TANK: variants seen among roughly 807,000 people sequenced by gnomAD.
The protein encoded by TANK is TRAF family member-associated NF-kappa-B activator.
Under a neutral mutation model 43.6 loss-of-function variants are expected in TANK, and 15 were observed. That is an observed-to-expected ratio of 0.34 (90% CI 0.23 to 0.53). The LOEUF is 0.53. TANK is among the 20% of genes least tolerant of loss of function. The pLI is 0.94. For missense variants in TANK, 417 were observed against 498.6 expected, an observed-to-expected ratio of 0.84 and a Z score of 1.56; for synonymous variants, 162 against 178.2, an observed-to-expected ratio of 0.91 and a Z score of 0.73.
chr2:161,142,281 T>C (rs1683771600), intron 1 of TANK, among the ~76,000 whole-genome samples: 2 of 152,206 alleles, frequency 1.3e-5, no homozygotes, highest in South Asian at 4.1e-4. Context: ...AGGCTGATGC[T>C]CACTCTAATG....
intron 1 of TANK, among the ~76,000 whole-genome samples, chr2:161,138,712 TACTTCTTTTAAAC>T (rs1242259841): frequency 6.6e-6 from 1 of 152,232 alleles, no homozygotes; most frequent in Non-Finnish European, 1.5e-5. Flanking sequence ...AATGTCTAGT[TACTTCTTTTAAAC>T]ACTTATGACA....
chr2:161,184,102 A>G (rs748924859), intron 2 of TANK, among the ~76,000 whole-genome samples: 2 of 152,136 alleles, frequency 1.3e-5, no homozygotes, highest in Non-Finnish European at 2.9e-5. Context: ...GAGAGAGTAT[A>G]TGATACATTT....
At position 161,231,975 on chromosome 2, in the gene TANK, T is replaced by TA. The variant is rs1188742143; in HGVS notation, c.1101+425dup. ...CTTTCATAAGTAAATAATTGCATCT[T>TA]ACATTTCTATTTATCAAAATAAGTG... On this transcript the variant is annotated intron_variant, in intron 7 of 7. Transcript: ENST00000392749. Among the ~76,000 whole-genome samples, 5 of 152,354 alleles carry TA rather than the reference T, an allele frequency of 3.3e-5. No homozygotes were observed. The Middle Eastern group carries it at 0.01, about 311-fold the overall frequency.
At chr2:161,212,015 T>G in intron 4 of TANK, 2 of 916,686 alleles carry the variant, frequency 2.2e-6, no homozygotes, top group Non-Finnish European at 2.6e-6. Context: ...CTTCAACCAA[T>G]TTATTCATTA....
At chr2:161,157,996 A>T (rs1238795079), upstream of TANK, among the ~76,000 whole-genome samples, 1 of 152,018 alleles carries the variant, frequency 6.6e-6, no homozygotes, top group Non-Finnish European at 1.5e-5. Context: ...GTTCCAAAAT[A>T]TCTTTTAAAG....
chr2:161,225,204 C>T (rs1245335387), intron 6 of TANK, among the ~76,000 whole-genome samples: 1 of 151,932 alleles, frequency 6.6e-6, no homozygotes, highest in Non-Finnish European at 1.5e-5. Context: ...ATTACATACA[C>T]TATGGATAGA....
chr2:161,232,436 C>T (rs975451648), intron 7 of TANK, among the ~76,000 whole-genome samples: 5 of 152,090 alleles, frequency 3.3e-5, no homozygotes, highest in Non-Finnish European at 7.4e-5. Context: ...TTTAAGTACA[C>T]ATATAGGTTA....
At chr2:161,161,209 G>T (rs1684417594) in intron 1 of TANK, 3 of 1,523,410 alleles carry the variant, frequency 2.0e-6, no homozygotes, top group Non-Finnish European at 2.6e-6. Context: ...GAAGAGCTGT[G>T]CCTTTATTGT....
chr2:161,194,873 A>G (rs1427944836), intron 2 of TANK, among the ~76,000 whole-genome samples: 1 of 152,010 alleles, frequency 6.6e-6, no homozygotes, highest in Admixed American at 6.6e-5. Flanking sequence ...CCAACAACAT[A>G]TATACTCTAT....
At chr2:161,176,259 A>G (rs1449280670) in intron 1 of TANK, among the ~76,000 whole-genome samples, 1 of 152,196 alleles carries the variant, frequency 6.6e-6, no homozygotes, top group Non-Finnish European at 1.5e-5. Context: ...CAGGGTGTTA[A>G]TATTTGAAAT....
chr2:161,166,311 C>T (rs1684677093), intron 1 of TANK, among the ~76,000 whole-genome samples: 1 of 152,142 alleles, frequency 6.6e-6, no homozygotes, highest in Admixed American at 6.5e-5. Context: ...TATTCATGAC[C>T]AAAGTTTACA....
At chr2:161,169,296 GTGA>G (rs1684837438) in intron 1 of TANK, among the ~76,000 whole-genome samples, 1 of 152,178 alleles carries the variant, frequency 6.6e-6, no homozygotes, top group Non-Finnish European at 1.5e-5. Flanking sequence ...AGTTGTATTA[GTGA>G]TAATAGGAAA....
chr2:161,178,252 ACAACT>A (rs1685255531), intron 1 of TANK, among the ~76,000 whole-genome samples: 1 of 152,160 alleles, frequency 6.6e-6, no homozygotes, highest in African/African-American at 2.4e-5. Context: ...AAAGGTGGAA[ACAACT>A]CAAATGTCCA....
intron 1 of TANK, among the ~76,000 whole-genome samples, chr2:161,165,595 G>A (rs1684641947): frequency 6.6e-6 from 1 of 152,140 alleles, no homozygotes; most frequent in Non-Finnish European, 1.5e-5. Flanking sequence ...CTAGAGGATT[G>A]TAATACATGT....
At position 161,231,281 on chromosome 2, in the gene TANK, A is replaced by C. The variant is rs1353585161; in HGVS notation, c.831A>C (p.Pro277=). Reference sequence around the variant, plus strand: ...TTAATATGGAGTTCAGAGACAACCCAGGGAACTTTGTTAAAACAGAAGAAA... The same window carrying C: ...TTAATATGGAGTTCAGAGACAACCCCGGGAACTTTGTTAAAACAGAAGAAA... ...EKFNMEFRDN[P]GNFVKTEETL... is the part of the protein sequence containing the mutation. The change falls in exon 7 of 8, where the codon CCA becomes CCC. Residue 277 remains proline (P), a synonymous_variant. Transcript: ENST00000392749. 1 of 1,614,040 alleles carries C rather than the reference A, an allele frequency of 6.2e-7. No individual in the cohort carries two copies. The highest frequency in any genetic ancestry group is 1.3e-5 in the African/African-American group (1 of 74,942).
At chr2:161,198,157 C>CAA in intron 2 of TANK, among the ~76,000 whole-genome samples, 1 of 152,250 alleles carries the variant, frequency 6.6e-6, no homozygotes, top group East Asian at 1.9e-4. Flanking sequence ...AATAGTGGGA[C>CAA]AAACAGGATA....
chr2:161,229,279 A>C (rs995998140), intron 6 of TANK, among the ~76,000 whole-genome samples: 3 of 152,224 alleles, frequency 2.0e-5, no homozygotes, highest in Non-Finnish European at 4.4e-5. Context: ...AAAGATGAGC[A>C]TGGAGAGATG....
chr2:161,232,903 A>G lies in TANK; in HGVS notation c.1101+1352A>G, dbSNP rs188790755. The G allele has an allele frequency of 3.6e-4, 543 of 1,488,966 alleles. 2 individuals carry two copies. The Middle Eastern group carries it at 7.1e-3, about 19-fold the overall frequency. 92.2% of individuals were successfully genotyped at this position (1,488,966 alleles called of 1,614,324 possible). A position where few individuals can be genotyped will look rare whatever the true frequency, so the allele number is the denominator to read the frequency against. ...CACAAGACATGGGGCATAAGGTTAGATAATTGATATTTTGGCAGAAAAAGC... is the reference window on the plus strand; with the variant it reads ...CACAAGACATGGGGCATAAGGTTAGGTAATTGATATTTTGGCAGAAAAAGC... On this transcript the variant is annotated intron_variant, in intron 7 of 7. Coordinates refer to ENST00000392749, the MANE Select transcript of TANK (RefSeq NM_001199135.3).
At chr2:161,163,653 AT>A (rs771734485) in intron 1 of TANK, 1 of 152,194 alleles carries the variant, frequency 6.6e-6, no homozygotes, top group Non-Finnish European at 1.5e-5. Flanking sequence ...AAATTTCTTA[AT>A]TTAAAGGTAA....
Sources: gnomAD v4.1 joint callset for allele counts (sites outside exome capture counted in the v4.1 genomes callset) on GRCh38, gnomAD v4.1.1 for gene constraint, MANE v1.5 for transcripts, NCBI Gene and HGNC (gene_info 2026-07-23, HGNC 2026-07-21) for gene names.